VPS13C: variants seen among roughly 807,000 people sequenced by gnomAD.
VPS13C encodes the protein intermembrane lipid transfer protein VPS13C.
Under a neutral mutation model 456.8 loss-of-function variants are expected in VPS13C, and 358 were observed. The observed-to-expected ratio is 0.78, with a 90% CI of 0.72 to 0.86. The LOEUF (loss-of-function observed/expected upper bound fraction) is 0.86, where lower values mean the gene tolerates loss of function less well. Among genes scored for constraint, VPS13C ranks in the 40% least tolerant of loss-of-function variants. The pLI is 0.00. For synonymous variants in VPS13C, 1,578 were observed against 1,486.7 expected, an observed-to-expected ratio of 1.06 and a Z score of -1.41; for missense variants, 4,818 against 4,385.4, an observed-to-expected ratio of 1.10 and a Z score of -2.79.
At chr15:61,882,317 A>G (rs777324497) in intron 69 of VPS13C, among the ~76,000 whole-genome samples, 10 of 152,156 alleles carry the variant, frequency 6.6e-5, no homozygotes, top group Non-Finnish European at 1.3e-4. Context: ...GGAAAATCTT[A>G]TTTGGGGGTC....
At chr15:61,892,779 G>A (rs2042690818) in intron 66 of VPS13C, among the ~76,000 whole-genome samples, 2 of 152,154 alleles carry the variant, frequency 1.3e-5, no homozygotes, top group South Asian at 2.1e-4. Context: ...ATTTATCAGT[G>A]AAATTGAAAC....
At chr15:61,897,527 T>C (rs1418868213) in intron 66 of VPS13C, among the ~76,000 whole-genome samples, 3 of 151,950 alleles carry the variant, frequency 2.0e-5, no homozygotes, top group Admixed American at 6.6e-5. Flanking sequence ...ATGAATGATA[T>C]GAAGCGAGAA....
At chr15:62,049,058 G>C (rs1374164743) in intron 1 of VPS13C, among the ~76,000 whole-genome samples, 3 of 151,536 alleles carry the variant, frequency 2.0e-5, no homozygotes, top group Admixed American at 2.0e-4. Flanking sequence ...TAGGTTGCCT[G>C]TTCACTCTGA....
At chr15:61,974,076 C>T (rs1429745188) in intron 25 of VPS13C, among the ~76,000 whole-genome samples, 1 of 151,978 alleles carries the variant, frequency 6.6e-6, no homozygotes. Flanking sequence ...AATTTTATAT[C>T]AATTGTTTTA....
Position 61,912,012 on chromosome 15 carries a change from A to T in VPS13C, c.8551-8T>A, listed in dbSNP as rs2043316185. ...TTTGATGCTAACACCAACCTGTGGA[A>T]AGGAAAAAAGCTTATTTTCCAGTTT... On this transcript the variant is annotated splice_region_variant and splice_polypyrimidine_tract_variant and intron_variant, in intron 62 of 84. Transcript: ENST00000644861. 6.4e-7 allele frequency: 1 copy of T among 1,565,864 alleles called. No homozygotes were observed. Among genetic ancestry groups the T allele is most frequent in the African/African-American group, 1.4e-5 (1 of 73,742 alleles).
chr15:61,936,943 G>A (rs1055077506), intron 47 of VPS13C, among the ~76,000 whole-genome samples, 193 bp from the exon 48 acceptor site: 8 of 152,044 alleles, frequency 5.3e-5, no homozygotes, highest in African/African-American at 1.4e-4. Flanking sequence ...TTCTGCCTTC[G>A]CCCATATCCA....
intron 18 of VPS13C, among the ~76,000 whole-genome samples, chr15:61,987,769 A>C (rs569780233): frequency 1.3e-5 from 2 of 152,348 alleles, no homozygotes; most frequent in East Asian, 3.9e-4. Flanking sequence ...AATATGTAGC[A>C]ACTGGAACCA....
chr15:61,865,797 T>C, intron 81 of VPS13C: 1 of 797,286 alleles, frequency 1.3e-6, no homozygotes, highest in Non-Finnish European at 1.5e-6. Flanking sequence ...TATATATGTG[T>C]GTGTGTATAT....
chr15:61,917,409 T>C lies in VPS13C; in HGVS notation c.7987A>G (p.Ile2663Val), dbSNP rs369126551. Residue 2663 changes from isoleucine to valine, a missense_variant, in exon 60 of 85, where the codon ATT (isoleucine) becomes GTT (valine). Ile to Val is a conservative substitution (Grantham distance 29). Transcript: ENST00000644861. ...THGEDWDVAY[I>V]IHLYPSLTLR... is the part of the protein sequence containing the mutation. ...GTGAGAGAAGGATAAAGATGAATAA[T>C]GTAAGCTACATCCCAGTCTTCCCCA... 2.8e-5 allele frequency: 45 copies of C among 1,613,844 alleles called. No homozygotes were observed. Among genetic ancestry groups the C allele is most frequent in the Non-Finnish European group, 3.4e-5 (40 of 1,179,894 alleles).
Position 61,925,478 on chromosome 15 carries a change from A to G in VPS13C, c.6587T>C (p.Met2196Thr). The G allele has an allele frequency of 6.3e-7, 1 of 1,590,410 alleles. No individual in the cohort carries two copies. Among genetic ancestry groups the G allele is most frequent in the Non-Finnish European group, 8.6e-7 (1 of 1,167,158 alleles). ...WASGKQNINI[M>T]VKEFIIKISP... ...AACCTTAATTATAAATTCTTTAACC[A>G]TAATATTTATATTTTGCTTTCCTGA... The change falls in exon 53 of 85, where the codon ATG (methionine) becomes ACG (threonine). Residue 2196 changes from methionine (M) to threonine (T), a missense_variant. This residue lies in a region of VPS13C where 4,552 missense variants were observed against 4,130.6 expected (regional missense o/e 1.10). Coordinates refer to ENST00000644861, the MANE Select transcript of VPS13C (RefSeq NM_020821.3).
At position 61,974,409 on chromosome 15, in the gene VPS13C, A is replaced by G. The variant is rs376243311; in HGVS notation, c.2417T>C (p.Val806Ala). ...ATGCATCAAAGGAAGTCCTCCTGACACTTTAAATCTAAAAATACAATTCAG... is the reference window on the plus strand; with the variant it reads ...ATGCATCAAAGGAAGTCCTCCTGACGCTTTAAATCTAAAAATACAATTCAG... ...EKDIRMARFK[V>A]SGGLPLMHVR... The change falls in exon 25 of 85, where the codon GTG (valine) becomes GCG (alanine). Residue 806 changes from valine to alanine, a missense_variant. Coordinates refer to ENST00000644861, the MANE Select transcript of VPS13C (RefSeq NM_020821.3). 1.2e-6 allele frequency: 2 copies of G among 1,611,650 alleles called. No homozygotes were observed. The highest frequency in any genetic ancestry group is 1.3e-5 in the African/African-American group (1 of 74,862).
At chr15:61,868,580 T>C in intron 81 of VPS13C, 79 bp downstream of exon 81, 1 of 1,239,156 alleles carries the variant, frequency 8.1e-7, no homozygotes, top group Non-Finnish European at 1.2e-6. Context: ...TCAGGAACTT[T>C]AAGAACCACC....
chr15:61,961,907 G>A lies in VPS13C; in HGVS notation c.3604-14C>T, dbSNP rs2045221179. Reference sequence around the variant, plus strand: ...ATTCAGGAAGTTCTGTGGACACAAAGCATAAAAAGAGAAATTCAAAGAGAA... The same window carrying A: ...ATTCAGGAAGTTCTGTGGACACAAAACATAAAAAGAGAAATTCAAAGAGAA... On this transcript the variant is annotated splice_polypyrimidine_tract_variant and intron_variant, in intron 34 of 84. Coordinates refer to ENST00000644861, the MANE Select transcript of VPS13C (RefSeq NM_020821.3). 6.3e-7 allele frequency: 1 copy of A among 1,592,716 alleles called. No homozygotes were observed. Among genetic ancestry groups the A allele is most frequent in the Non-Finnish European group, 8.5e-7 (1 of 1,171,424 alleles).
chr15:62,020,905 C>T (rs1183576775), intron 8 of VPS13C, among the ~76,000 whole-genome samples: 1 of 151,850 alleles, frequency 6.6e-6, no homozygotes, highest in East Asian at 1.9e-4. Flanking sequence ...AACACTGCCA[C>T]TAAATCATTT....
chr15:62,038,628 T>A (rs1181832233), intron 3 of VPS13C, among the ~76,000 whole-genome samples: 1 of 152,090 alleles, frequency 6.6e-6, no homozygotes, highest in Non-Finnish European at 1.5e-5. Context: ...AATAAAAATC[T>A]TCTGCACAGC....
At chr15:61,861,041 A>AACC (rs1465355776) in intron 82 of VPS13C, among the ~76,000 whole-genome samples, 1 of 143,972 alleles carries the variant, frequency 6.9e-6, no homozygotes, top group Non-Finnish European at 1.5e-5. Flanking sequence ...AGCTCACTGC[A>AACC]ACCTTCGCCT....
At chr15:62,002,351 C>CT (rs1164874885) in intron 15 of VPS13C, among the ~76,000 whole-genome samples, 2 of 152,138 alleles carry the variant, frequency 1.3e-5, no homozygotes, top group African/African-American at 2.4e-5. Flanking sequence ...CCTTTGCCCA[C>CT]TTTTTGATGG....
In VPS13C at chr15:61,914,569, C is replaced by CT. The variant is rs1431532255; in HGVS notation, c.8445+1063dup. 1.5e-4 allele frequency among the ~76,000 whole-genome samples: 22 copies of CT among 150,348 alleles called. 1 individual carries two copies. The highest frequency in any genetic ancestry group is 1.4e-3 in the Admixed American group (21 of 15,106). ...GGGCAACAAGAACAAAACTATGTTT[C>CT]TTTTTTTTGAGATGGGGTCTCACTC... is the stretch of plus-strand genomic sequence containing the variant. On this transcript the variant is annotated intron_variant, in intron 61 of 84. Coordinates refer to ENST00000644861, the MANE Select transcript of VPS13C (RefSeq NM_020821.3).
At chr15:62,008,519 C>A in intron 14 of VPS13C, 136 bp downstream of exon 14, 1 of 481,340 alleles carries the variant, frequency 2.1e-6, no homozygotes, top group Non-Finnish European at 3.6e-6. Context: ...ATATATTTAC[C>A]ATTTGTCTTT....
Sources: allele counts gnomAD v4.1 joint callset (sites outside exome capture counted in the v4.1 genomes callset), GRCh38; gene constraint gnomAD v4.1.1; regional missense constraint gnomAD v4.1.1; transcripts MANE v1.5; gene names NCBI Gene and HGNC (gene_info 2026-07-23, HGNC 2026-07-21).